Variants in NFXL1 observed in about 807,000 individuals in gnomAD.
The protein encoded by NFXL1 is nuclear transcription factor, X-box binding like 1, also known as NF-X1-type zinc finger protein NFXL1.
Under a neutral mutation model 123.3 loss-of-function variants are expected in NFXL1, and 66 were observed. That is an observed-to-expected ratio of 0.54 (90% CI 0.44 to 0.66). NFXL1 has a LOEUF of 0.66. NFXL1 is among the 30% of genes least tolerant of loss of function. The pLI is 0.00. For missense variants in NFXL1, 944 were observed against 1,125.6 expected (o/e 0.84, Z 2.31); for synonymous variants, 346 against 360.8 (o/e 0.96, Z 0.46).
intron 9 of NFXL1, among the ~76,000 whole-genome samples, chr4:47,897,171 G>A (rs1025326862): frequency 2.0e-5 from 3 of 152,146 alleles, no homozygotes; most frequent in African/African-American, 7.2e-5. Context: ...AATGAGCCAG[G>A]CATGGTGACA....
At chr4:47,907,553 C>A (rs1415149019) in intron 3 of NFXL1, among the ~76,000 whole-genome samples, 1 of 152,128 alleles carries the variant, frequency 6.6e-6, no homozygotes, top group Non-Finnish European at 1.5e-5. Flanking sequence ...CTTCAATTCA[C>A]TAATGTTAAG....
intron 18 of NFXL1, among the ~76,000 whole-genome samples, chr4:47,864,319 G>C (rs1734933242): frequency 6.6e-6 from 1 of 152,114 alleles, no homozygotes; most frequent in South Asian, 2.1e-4. Flanking sequence ...TTTCGTCCAC[G>C]GTTCTTGGCT....
At chr4:47,867,971 T>C (rs1028137823) in intron 18 of NFXL1, among the ~76,000 whole-genome samples, 11 of 152,096 alleles carry the variant, frequency 7.2e-5, no homozygotes, top group Non-Finnish European at 1.0e-4. Flanking sequence ...CAAGAGAAGA[T>C]TGGGAAATTT....
intron 14 of NFXL1, among the ~76,000 whole-genome samples, chr4:47,885,079 C>T (rs905633204): frequency 1.3e-5 from 2 of 150,252 alleles, no homozygotes; most frequent in Admixed American, 1.3e-4. Flanking sequence ...TGACCCAGAT[C>T]ACACCACTGC....
chr4:47,855,027 GA>G (rs775734674), intron 20 of NFXL1, 31 bp downstream of exon 20: 1 of 900,364 alleles, frequency 1.1e-6, no homozygotes, highest in South Asian at 2.0e-5. Flanking sequence ...AACTTATATA[GA>G]AAAGTATTTT....
At chr4:47,881,948 A>G (rs553788738) in intron 15 of NFXL1, among the ~76,000 whole-genome samples, 2 of 152,322 alleles carry the variant, frequency 1.3e-5, no homozygotes, top group South Asian at 4.1e-4. Context: ...ATTCTGTATG[A>G]AACTATAATA....
At chr4:47,851,830 T>C (rs754273192) in intron 21 of NFXL1, 26 bp downstream of exon 21, 10 of 1,457,166 alleles carry the variant, frequency 6.9e-6, no homozygotes, top group Non-Finnish European at 8.6e-6. Flanking sequence ...CACTAGTCTT[T>C]AAAATGATAT....
chr4:47,891,694 T>C (rs1004328902), intron 11 of NFXL1, among the ~76,000 whole-genome samples: 1 of 152,220 alleles, frequency 6.6e-6, no homozygotes, highest in Non-Finnish European at 1.5e-5. Context: ...CTTAGGGTTG[T>C]ATATAAGAGT....
At chr4:47,895,576 T>C (rs1737036978) in intron 10 of NFXL1, among the ~76,000 whole-genome samples, 1 of 152,212 alleles carries the variant, frequency 6.6e-6, no homozygotes, top group South Asian at 2.1e-4. Flanking sequence ...AGTTTCAAAC[T>C]TTTCTTGTGC....
At chr4:47,874,408 T>C (rs1460557641) in intron 18 of NFXL1, among the ~76,000 whole-genome samples, 1 of 152,202 alleles carries the variant, frequency 6.6e-6, no homozygotes, top group African/African-American at 2.4e-5. Context: ...CTAATTTCAA[T>C]ACTGTTGTTT....
intron 5 of NFXL1, 111 bp downstream of exon 5, chr4:47,903,082 G>A: frequency 1.8e-6 from 1 of 548,562 alleles, no homozygotes; most frequent in Non-Finnish European, 3.1e-6. Context: ...TTGAACCCAG[G>A]AGGTGGAGGT....
intron 15 of NFXL1, chr4:47,882,247 G>A (rs2110075915): frequency 6.6e-6 from 1 of 152,292 alleles, no homozygotes; most frequent in Non-Finnish European, 1.5e-5. Context: ...TCCAGGGACT[G>A]GCTTAAAAAT....
At position 47,862,736 on chromosome 4, in the gene NFXL1, A is replaced by AAAT. The variant is rs1281792456; in HGVS notation, c.2316+109_2316+110insATT. ...ACTATATGTCTTACGTGTTTATTTAAAAAGATACAACAGAGAAGACCTGAA... is the reference window on the plus strand; with the variant it reads ...ACTATATGTCTTACGTGTTTATTTAAAATAAAGATACAACAGAGAAGACCTGAA... On this transcript the variant is annotated intron_variant, in intron 19 of 22. Coordinates refer to ENST00000507489, the MANE Select transcript of NFXL1 (RefSeq NM_001278624.2). 5.4e-6 allele frequency: 4 copies of AAAT among 736,366 alleles called. No individual in the cohort carries two copies. In the East Asian group the frequency reaches 1.0e-4, roughly 19 times the overall value. The allele number at this position is 736,366 out of a possible 1,614,324, so 45.6% of individuals were successfully genotyped here.
chr4:47,897,273 C>A (rs1182961092), intron 9 of NFXL1, among the ~76,000 whole-genome samples: 1 of 152,176 alleles, frequency 6.6e-6, no homozygotes, highest in African/African-American at 2.4e-5. Context: ...GATCACACCA[C>A]TGCACTCCAG....
chr4:47,894,557 C>T (rs1396448301), intron 10 of NFXL1, among the ~76,000 whole-genome samples: 2 of 101,286 alleles, frequency 2.0e-5, no homozygotes, highest in African/African-American at 7.0e-5. Flanking sequence ...AAAAAAATCA[C>T]ATAATAAAAC....
chr4:47,888,044 A>C (rs1008163559), intron 12 of NFXL1, among the ~76,000 whole-genome samples: 2 of 152,076 alleles, frequency 1.3e-5, no homozygotes, highest in Non-Finnish European at 1.5e-5. Context: ...GGGAGGCCGA[A>C]GCAGGCAGAT....
chr4:47,848,375 A>G, intron 22 of NFXL1, 39 bp from the exon 23 acceptor site: 2 of 1,456,768 alleles, frequency 1.4e-6, no homozygotes, highest in Non-Finnish European at 9.4e-7. Flanking sequence ...AATTCAATGC[A>G]TACATTGATT....
intron 22 of NFXL1, among the ~76,000 whole-genome samples, chr4:47,849,646 C>T (rs1053136522): frequency 2.6e-5 from 4 of 152,128 alleles, no homozygotes; most frequent in Non-Finnish European, 5.9e-5. Flanking sequence ...TAAAAGCAGG[C>T]AAACTTGAGG....
chr4:47,905,150 C>A, intron 4 of NFXL1, 87 bp downstream of exon 4: 6 of 536,172 alleles, frequency 1.1e-5, no homozygotes, highest in South Asian at 9.5e-5. Context: ...CATAAGTAAA[C>A]AAAAGAATAA....
Sources: gnomAD v4.1 joint callset for allele counts (sites outside exome capture counted in the v4.1 genomes callset) on GRCh38, gnomAD v4.1.1 for gene constraint, MANE v1.5 for transcripts, NCBI Gene and HGNC (gene_info 2026-07-23, HGNC 2026-07-21) for gene names.